Variants in PEX5L observed in about 807,000 individuals in gnomAD.
The protein encoded by PEX5L is peroxisomal biogenesis factor 5 like, also known as PEX5-related protein.
Under a neutral mutation model 84.0 loss-of-function variants are expected in PEX5L, and 30 were observed. The observed-to-expected ratio is 0.36, with a 90% CI of 0.27 to 0.48. PEX5L has a LOEUF of 0.48. PEX5L is among the 20% of genes least tolerant of loss of function. The probability of loss-of-function intolerance (pLI) is 0.99; values close to 1 mark genes in which losing one functional copy is unlikely to be tolerated. For missense variants in PEX5L, 533 were observed against 754.6 expected (o/e 0.71, Z 3.44); for synonymous variants, 270 against 283.1 (o/e 0.95, Z 0.46).
chr3:179,915,051 G>A (rs1766536790), intron 2 of PEX5L, among the ~76,000 whole-genome samples: 1 of 152,206 alleles, frequency 6.6e-6, no homozygotes, highest in African/African-American at 2.4e-5. Flanking sequence ...ATGGAGCCAA[G>A]TTTTGCACTC....
At chr3:179,904,576 T>C (rs1452626792) in intron 2 of PEX5L, among the ~76,000 whole-genome samples, 1 of 152,178 alleles carries the variant, frequency 6.6e-6, no homozygotes, top group Non-Finnish European at 1.5e-5. Context: ...CACTTTTGGC[T>C]TCACGAGCTA....
intron 1 of PEX5L, among the ~76,000 whole-genome samples, chr3:180,017,106 A>C (rs1345296298): frequency 1.3e-5 from 2 of 152,214 alleles, no homozygotes; most frequent in Non-Finnish European, 2.9e-5. Flanking sequence ...TGATAAAATA[A>C]AAAAAGATCT....
chr3:179,974,771 C>T (rs1377545012), intron 1 of PEX5L, among the ~76,000 whole-genome samples: 2 of 152,220 alleles, frequency 1.3e-5, no homozygotes, highest in African/African-American at 2.4e-5. Flanking sequence ...TCTTGCCTCT[C>T]TACAGACTTC....
At chr3:180,008,812 C>T (rs796249561) in intron 1 of PEX5L, among the ~76,000 whole-genome samples, 6 of 152,314 alleles carry the variant, frequency 3.9e-5, no homozygotes, top group African/African-American at 1.4e-4. Flanking sequence ...CCCCACTGGG[C>T]CCCTCCCACA....
chr3:179,890,618 C>G (rs545338840), intron 3 of PEX5L, among the ~76,000 whole-genome samples: 1 of 151,988 alleles, frequency 6.6e-6, no homozygotes, highest in African/African-American at 2.4e-5. Context: ...AGCTATATTC[C>G]GTGGAAAATC....
rs111584013 is a variant in PEX5L, at chr3:179,917,336, T to A, written c.94-19090A>T. On this transcript the variant is annotated intron_variant, in intron 2 of 14. Transcript: ENST00000467460. ...CCTAAGGCTGTTTTACAGCTAACTT[T>A]TTTTTTTTTTTAAAATAAGCTGAAG... Among the ~76,000 whole-genome samples the A allele has an allele frequency of 6.7e-4, 101 of 151,242 alleles. 1 individual carries two copies. The highest frequency in any genetic ancestry group is 6.6e-4 in the Non-Finnish European group (45 of 67,908).
chr3:179,803,232 T>C (rs546459430), intron 14 of PEX5L, among the ~76,000 whole-genome samples: 1 of 152,344 alleles, frequency 6.6e-6, no homozygotes, highest in East Asian at 1.9e-4. Flanking sequence ...CAATGTCACT[T>C]TTCCCACTAG....
intron 10 of PEX5L, among the ~76,000 whole-genome samples, chr3:179,814,032 G>A (rs2108847265): frequency 6.7e-6 from 1 of 149,012 alleles, no homozygotes; most frequent in East Asian, 2.0e-4. Flanking sequence ...CGTTGGCCAA[G>A]CTGGTCTCGA....
chr3:179,903,702 C>T (rs1362612687), intron 2 of PEX5L, among the ~76,000 whole-genome samples: 2 of 152,194 alleles, frequency 1.3e-5, no homozygotes, highest in Non-Finnish European at 2.9e-5. Flanking sequence ...TCGTAAGTGT[C>T]ATGCTCTCTT....
chr3:179,973,516 C>T, intron 1 of PEX5L: 1 of 959,508 alleles, frequency 1.0e-6, no homozygotes, highest in Non-Finnish European at 1.2e-6. Context: ...TTTAAAAAAT[C>T]TACCTATTTT....
intron 8 of PEX5L, among the ~76,000 whole-genome samples, chr3:179,838,359 T>C (rs993163261): frequency 6.6e-6 from 1 of 152,194 alleles, no homozygotes; most frequent in Non-Finnish European, 1.5e-5. Flanking sequence ...TGCCTCTACA[T>C]ACTGATATGT....
intron 2 of PEX5L, among the ~76,000 whole-genome samples, chr3:179,939,258 C>T (rs561208065): frequency 2.2e-4 from 33 of 152,252 alleles, no homozygotes; most frequent in African/African-American, 7.7e-4. Flanking sequence ...ATTGATACCT[C>T]TTATAAGACA....
chr3:179,854,141 C>T (rs73058673), intron 8 of PEX5L, among the ~76,000 whole-genome samples: 2 of 149,966 alleles, frequency 1.3e-5, no homozygotes, highest in Non-Finnish European at 1.5e-5. Flanking sequence ...TGAGGCACCA[C>T]GCCAGACTTG....
chr3:180,005,266 T>TG (rs1367127502), intron 1 of PEX5L, among the ~76,000 whole-genome samples: 1 of 152,072 alleles, frequency 6.6e-6, no homozygotes, highest in African/African-American at 2.4e-5. Context: ...TTTTATTTTT[T>TG]TTTGTTTGTT....
At chr3:179,880,166 C>T in intron 4 of PEX5L, 43 bp from the exon 5 acceptor site, 1 of 1,237,160 alleles carries the variant, frequency 8.1e-7, no homozygotes, top group East Asian at 2.4e-5. Context: ...ATTTACTACT[C>T]TGAAATTATT....
At chr3:180,014,035 T>C (rs1014341527) in intron 1 of PEX5L, among the ~76,000 whole-genome samples, 6 of 152,206 alleles carry the variant, frequency 3.9e-5, no homozygotes, top group Non-Finnish European at 8.8e-5. Context: ...CTTGGCACCA[T>C]TGGGTGGGAA....
Position 179,899,942 on chromosome 3 carries a change from G to C in PEX5L, c.94-1696C>G, listed in dbSNP as rs1263005116. Among the ~76,000 whole-genome samples the C allele has an allele frequency of 5.3e-5, 8 of 152,144 alleles. No individual in the cohort carries two copies. The East Asian group carries it at 1.5e-3, about 29-fold the overall frequency. ...AGAATAAAGGATAACTTGATTCATT[G>C]CATAACAAATTGAGGTGCACAATGA... On this transcript the variant is annotated intron_variant, in intron 2 of 14. Transcript: ENST00000467460.
In PEX5L at chr3:179,819,088, G is replaced by GTTTT. The variant is rs1175384549; in HGVS notation, c.939+768_939+771dup. Reference sequence around the variant, plus strand: ...TCACTCTGTTGTTCAGGCTCACATTGTTTTTTATCCATTTGTCTGTTGATG... The same window carrying GTTTT: ...TCACTCTGTTGTTCAGGCTCACATTGTTTTTTTTTTATCCATTTGTCTGTTGATG... On this transcript the variant is annotated intron_variant, in intron 9 of 14. Coordinates refer to ENST00000467460, the MANE Select transcript of PEX5L (RefSeq NM_016559.3). 8.8e-4 allele frequency among the ~76,000 whole-genome samples: 133 copies of GTTTT among 150,680 alleles called. 2 individuals carry two copies. Among genetic ancestry groups the GTTTT allele is most frequent in the African/African-American group, 3.2e-3 (130 of 40,854 alleles).
chr3:179,841,897 T>C (rs1737455202), intron 8 of PEX5L, among the ~76,000 whole-genome samples: 1 of 152,200 alleles, frequency 6.6e-6, no homozygotes, highest in African/African-American at 2.4e-5. Context: ...AATGTATCAA[T>C]TTCACCACCA....
Sources: allele counts gnomAD v4.1 joint callset (sites outside exome capture counted in the v4.1 genomes callset), GRCh38; gene constraint gnomAD v4.1.1; transcripts MANE v1.5; gene names NCBI Gene and HGNC (gene_info 2026-07-23, HGNC 2026-07-21).